ATP9A: variants seen among roughly 807,000 people sequenced by gnomAD.
The protein encoded by ATP9A is ATPase phospholipid transporting 9A.
In ATP9A, 52 loss-of-function variants were observed where a neutral mutation model predicts 144.1. That is an observed-to-expected ratio of 0.36 (90% CI 0.29 to 0.45). The LOEUF is 0.45. Ranked by LOEUF, ATP9A falls within the 20% of genes least tolerant of loss-of-function variation. ATP9A has a pLI of 1.00. For missense variants in ATP9A, 947 were observed against 1,392.7 expected, an observed-to-expected ratio of 0.68 and a Z score of 5.09; for synonymous variants, 582 against 557.4, an observed-to-expected ratio of 1.04 and a Z score of -0.62.
At position 51,690,788 on chromosome 20, in the gene ATP9A, G is replaced by A; in HGVS notation, c.674C>T (p.Ala225Val). The stretch of plus-strand genomic sequence containing the variant: ...GTGAATGTCAATATTTGGCTCTTCT[G>A]CGTACACATACGATCGAATCTGAAG... ...DLLQIRSYVY[A>V]EEPNIDIHNF... The change falls in exon 8 of 28, where the codon GCA (alanine) becomes GTA (valine). Residue 225 changes from alanine (A) to valine (V), a missense_variant. This residue lies in a region of ATP9A where 770 missense variants were observed against 1,047.9 expected (regional missense o/e 0.73). Transcript: ENST00000338821. 6.2e-7 allele frequency: 1 copy of A among 1,614,148 alleles called. No homozygotes were observed. Among genetic ancestry groups the A allele is most frequent in the Non-Finnish European group, 8.5e-7 (1 of 1,180,030 alleles).
chr20:51,724,679 G>A (rs1033598322), intron 3 of ATP9A, among the ~76,000 whole-genome samples: 8 of 152,092 alleles, frequency 5.3e-5, no homozygotes, highest in Admixed American at 1.3e-4. Context: ...GTTCATTGCT[G>A]CACCCCCAGA....
At chr20:51,602,045 A>G (rs1270727846) in intron 27 of ATP9A, among the ~76,000 whole-genome samples, 1 of 152,076 alleles carries the variant, frequency 6.6e-6, no homozygotes, top group Non-Finnish European at 1.5e-5. Flanking sequence ...ATTCAAATGC[A>G]CCCTCTGCTT....
intron 19 of ATP9A, among the ~76,000 whole-genome samples, chr20:51,620,697 G>A (rs1415080805): frequency 6.6e-6 from 1 of 151,892 alleles, no homozygotes; most frequent in African/African-American, 2.4e-5. Context: ...CATTTTAAAC[G>A]ACAAACTGCC....
chr20:51,724,909 AG>A, intron 3 of ATP9A, among the ~76,000 whole-genome samples: 1 of 152,334 alleles, frequency 6.6e-6, no homozygotes, highest in East Asian at 1.9e-4. Context: ...TTCAAATACA[AG>A]GTGAGCATCC....
intron 1 of ATP9A, among the ~76,000 whole-genome samples, chr20:51,740,974 T>C (rs1404043980): frequency 1.3e-5 from 2 of 151,838 alleles, no homozygotes; most frequent in East Asian, 2.0e-4. Flanking sequence ...GCTGTCCACC[T>C]TGGCGGCTTC....
At chr20:51,667,391 A>AG (rs1193421071) in intron 13 of ATP9A, among the ~76,000 whole-genome samples, 1 of 152,212 alleles carries the variant, frequency 6.6e-6, no homozygotes, top group African/African-American at 2.4e-5. Flanking sequence ...ACGACTGAGA[A>AG]GGGGCTGCGA....
At chr20:51,690,677 C>T (rs2077544511) in intron 8 of ATP9A, 62 bp downstream of exon 8, 7 of 1,387,944 alleles carry the variant, frequency 5.0e-6, no homozygotes, top group South Asian at 4.7e-5. Flanking sequence ...TACTTCTTGG[C>T]CTTCATTTCA....
intron 4 of ATP9A, among the ~76,000 whole-genome samples, chr20:51,699,936 C>T (rs935059349): frequency 2.0e-5 from 3 of 152,126 alleles, no homozygotes; most frequent in African/African-American, 4.8e-5. Context: ...CCACTGCGCC[C>T]GGCCAACACT....
At chr20:51,610,814 T>C (rs1040405854) in intron 23 of ATP9A, among the ~76,000 whole-genome samples, 5 of 152,236 alleles carry the variant, frequency 3.3e-5, no homozygotes, top group African/African-American at 4.8e-5. Context: ...TCACTTCTTA[T>C]ATTACATGTT....
In ATP9A at chr20:51,739,264, G is replaced by A. The variant is rs367942838; in HGVS notation, c.69-9286C>T. On this transcript the variant is annotated intron_variant, in intron 1 of 27. Coordinates refer to ENST00000338821, the MANE Select transcript of ATP9A (RefSeq NM_006045.3). ...CAGGTCTGAACCCTGGCCCCAGAGAGGGTCCCCTTCCAAGTACGTCCTTTC... is the reference window on the plus strand; with the variant it reads ...CAGGTCTGAACCCTGGCCCCAGAGAAGGTCCCCTTCCAAGTACGTCCTTTC... Among the ~76,000 whole-genome samples the A allele has an allele frequency of 9.4e-3, 1,428 of 152,116 alleles. 18 individuals are homozygous for A. The highest frequency in any genetic ancestry group is 0.032 in the African/African-American group (1,342 of 41,498).
rs147523452 is a variant in ATP9A at position 51,629,471 on chromosome 20, G to A, written c.1669-399C>T. Among the ~76,000 whole-genome samples, 228 of 152,322 alleles carry A rather than the reference G, an allele frequency of 1.5e-3. 1 individual carries two copies. The highest frequency in any genetic ancestry group is 4.0e-3 in the African/African-American group (166 of 41,556). ...AACAGGGAGTCTCAACCTCGTCACTGTGAACATTTGGGGCCAGATAACTCT... is the reference window on the plus strand; with the variant it reads ...AACAGGGAGTCTCAACCTCGTCACTATGAACATTTGGGGCCAGATAACTCT... On this transcript the variant is annotated intron_variant, in intron 15 of 27. Coordinates refer to ENST00000338821, the MANE Select transcript of ATP9A (RefSeq NM_006045.3).
At chr20:51,721,673 C>T (rs1256272727) in intron 3 of ATP9A, among the ~76,000 whole-genome samples, 2 of 151,418 alleles carry the variant, frequency 1.3e-5, no homozygotes, top group South Asian at 2.1e-4. Context: ...TGGTGGCAGG[C>T]GCCTGTAGTC....
chr20:51,761,084 T>G (rs2077878433), intron 1 of ATP9A, among the ~76,000 whole-genome samples: 1 of 152,004 alleles, frequency 6.6e-6, no homozygotes, highest in Non-Finnish European at 1.5e-5. Flanking sequence ...TAACACCACC[T>G]CCATCACATC....
intron 6 of ATP9A, among the ~76,000 whole-genome samples, 184 bp downstream of exon 6, chr20:51,695,909 T>C (rs940678485): frequency 6.6e-6 from 1 of 150,744 alleles, no homozygotes; most frequent in Non-Finnish European, 1.5e-5. Flanking sequence ...ATGATCACAA[T>C]CTATTGACTT....
chr20:51,734,314 G>C (rs751370127), intron 1 of ATP9A, among the ~76,000 whole-genome samples: 2 of 152,044 alleles, frequency 1.3e-5, no homozygotes, highest in Non-Finnish European at 2.9e-5. Context: ...GAATTCATGA[G>C]GATTCTGCCT....
intron 14 of ATP9A, among the ~76,000 whole-genome samples, chr20:51,653,072 T>C (rs1266636620): frequency 6.8e-6 from 1 of 147,546 alleles, no homozygotes; most frequent in East Asian, 2.0e-4. Context: ...ATCACGCCAC[T>C]GCACTCCAGC....
intron 14 of ATP9A, among the ~76,000 whole-genome samples, chr20:51,642,787 C>T (rs1353362307): frequency 1.4e-5 from 2 of 144,464 alleles, no homozygotes; most frequent in African/African-American, 5.1e-5. Flanking sequence ...CTTGAGTTCC[C>T]ATTCCTTTTA....
At chr20:51,711,852 A>ATTTTTT (rs11469394) in intron 4 of ATP9A, among the ~76,000 whole-genome samples, 17 of 120,938 alleles carry the variant, frequency 1.4e-4, no homozygotes, top group Non-Finnish European at 1.8e-4. Flanking sequence ...TTCAATTTCA[A>ATTTTTT]TTTTTTTTTT....
chr20:51,608,922 C>CGTATGTGTGTGTGT (rs1555827664), intron 24 of ATP9A, among the ~76,000 whole-genome samples: 4 of 142,794 alleles, frequency 2.8e-5, no homozygotes, highest in Non-Finnish European at 1.5e-5. Context: ...GGAAATAAGA[C>CGTATGTGTGTGTGT]GTGTGTGTGT....
Sources: gnomAD v4.1 joint callset for allele counts (sites outside exome capture counted in the v4.1 genomes callset) on GRCh38, gnomAD v4.1.1 for gene constraint, gnomAD v4.1.1 regional missense constraint, MANE v1.5 for transcripts, NCBI Gene and HGNC (gene_info 2026-07-23, HGNC 2026-07-21) for gene names.